PCDHGA2: variants seen among roughly 807,000 people sequenced by gnomAD.
PCDHGA2 encodes the protein protocadherin gamma-A2.
In PCDHGA2, 40 loss-of-function variants were observed where a neutral mutation model predicts 59.2. The observed-to-expected ratio is 0.68, with a 90% CI of 0.52 to 0.88. PCDHGA2 has a LOEUF of 0.88. Among genes scored for constraint, PCDHGA2 ranks in the 40% least tolerant of loss-of-function variants. The pLI is 0.00. For missense variants in PCDHGA2, 1,226 were observed against 1,204.0 expected (o/e 1.02, Z -0.27); for synonymous variants, 560 against 526.0 (o/e 1.06, Z -0.89).
chr5:141,487,397 G>C lies in PCDHGA2; in HGVS notation c.2425-7410G>C. On this transcript the variant is annotated intron_variant, in intron 1 of 3. Coordinates refer to ENST00000394576, the MANE Select transcript of PCDHGA2 (RefSeq NM_018915.4). The surrounding 1 kb of genome is among the most constrained non-coding windows in gnomAD (Gnocchi z 5.0). ...TCTCACCAGATCTCGAAGGAGGGAG[G>C]GGCTTCCCCCTTCCAATGGGATCCT... The C allele has an allele frequency of 6.2e-7, 1 of 1,614,062 alleles. No homozygotes were observed. The highest frequency in any genetic ancestry group is 8.5e-7 in the Non-Finnish European group (1 of 1,180,008).
At chr5:141,366,851 G>T in intron 1 of PCDHGA2, 2 of 1,439,646 alleles carry the variant, frequency 1.4e-6, no homozygotes, top group Non-Finnish European at 1.9e-6. Context: ...GTAAATAGTG[G>T]AACATTATTT....
At chr5:141,349,144 C>T (rs1196382576) in intron 1 of PCDHGA2, among the ~76,000 whole-genome samples, 2 of 152,162 alleles carry the variant, frequency 1.3e-5, no homozygotes, top group African/African-American at 4.8e-5. Context: ...GATCTCAACT[C>T]ACTGCAACCT....
chr5:141,384,356 A>G, intron 1 of PCDHGA2: 3 of 1,613,862 alleles, frequency 1.9e-6, no homozygotes, highest in Non-Finnish European at 1.7e-6. Flanking sequence ...GATAATGCCC[A>G]GATCACTTAT....
intron 1 of PCDHGA2, chr5:141,422,303 A>AAAAC: frequency 6.5e-7 from 1 of 1,548,740 alleles, no homozygotes; most frequent in Non-Finnish European, 8.7e-7. Flanking sequence ...TCAATTCTGG[A>AAAAC]AAACTCTCCT....
At position 141,476,409 on chromosome 5, in the gene PCDHGA2, G is replaced by A. The variant is rs1226666958; in HGVS notation, c.2425-18398G>A. The A allele has an allele frequency of 6.2e-7, 1 of 1,614,154 alleles. No homozygotes were observed. The highest frequency in any genetic ancestry group is 1.7e-5 in the Admixed American group (1 of 60,030). ...GACCGTCTGGATCGAGAGGAGCTGT[G>A]TGGGACACTGCCCTCTTGCACTGTA... is the stretch of plus-strand genomic sequence containing the variant. On this transcript the variant is annotated intron_variant, in intron 1 of 3. Coordinates refer to ENST00000394576, the MANE Select transcript of PCDHGA2 (RefSeq NM_018915.4). The surrounding 1 kb of genome is among the most constrained non-coding windows in gnomAD (Gnocchi z 7.6).
Position 141,486,695 on chromosome 5 carries a change from A to T in PCDHGA2, c.2425-8112A>T. On this transcript the variant is annotated intron_variant, in intron 1 of 3. Coordinates refer to ENST00000394576, the MANE Select transcript of PCDHGA2 (RefSeq NM_018915.4). The surrounding 1 kb of genome is among the most constrained non-coding windows in gnomAD (Gnocchi z 5.0). ...TCGAGATGTATCAGCTTCCTCTTTC[A>T]TCTCTCTGAACCCCCAGACAGGAGC... The T allele has an allele frequency of 6.2e-7, 1 of 1,613,912 alleles. No homozygotes were observed. The highest frequency in any genetic ancestry group is 8.5e-7 in the Non-Finnish European group (1 of 1,179,980).
chr5:141,343,802 A>T (rs1757327036), intron 1 of PCDHGA2: 1 of 454,830 alleles, frequency 2.2e-6, no homozygotes, highest in Admixed American at 3.9e-5. Context: ...CCACTCAAGA[A>T]GGAGAACGCA....
intron 1 of PCDHGA2, chr5:141,400,435 A>G (rs2094019562): frequency 6.2e-7 from 1 of 1,614,078 alleles, no homozygotes. Flanking sequence ...TGAGCAATTG[A>G]GTTCAGGACA....
intron 1 of PCDHGA2, among the ~76,000 whole-genome samples, chr5:141,397,685 G>A (rs1471845356): frequency 6.6e-6 from 1 of 152,218 alleles, no homozygotes; most frequent in Non-Finnish European, 1.5e-5. Flanking sequence ...ATGCAGGTTT[G>A]TATAAAAACC....
chr5:141,387,661 G>C (rs2091032284), intron 1 of PCDHGA2: 2 of 656,114 alleles, frequency 3.0e-6, no homozygotes, highest in East Asian at 5.7e-5. Context: ...AGAGCTTGGC[G>C]CTCCAGATCT....
chr5:141,365,279 A>T (rs1222527527), intron 1 of PCDHGA2: 1 of 1,613,978 alleles, frequency 6.2e-7, no homozygotes, highest in Non-Finnish European at 8.5e-7. Flanking sequence ...ATTCTACCTC[A>T]TGGAAGTGGT....
intron 1 of PCDHGA2, chr5:141,366,233 A>G (rs1354193643): frequency 6.2e-7 from 1 of 1,613,674 alleles, no homozygotes; most frequent in Non-Finnish European, 8.5e-7. Flanking sequence ...CCTGCTGGAC[A>G]GAGACGCGCT....
chr5:141,424,797 C>G (rs1262781875), intron 1 of PCDHGA2: 1 of 151,908 alleles, frequency 6.6e-6, no homozygotes, highest in Non-Finnish European at 1.5e-5. Flanking sequence ...TTATTCAGAC[C>G]AACTTGTTAT....
intron 1 of PCDHGA2, chr5:141,439,888 A>G (rs2098137228): frequency 6.6e-6 from 1 of 152,384 alleles, no homozygotes. Context: ...TCTGGGTAGA[A>G]CCAAGGCGAC....
intron 1 of PCDHGA2, among the ~76,000 whole-genome samples, chr5:141,443,477 C>T (rs1279226136): frequency 6.6e-6 from 1 of 152,116 alleles, no homozygotes; most frequent in Non-Finnish European, 1.5e-5. Flanking sequence ...CAGAATTAGA[C>T]CCTGTCCCAA....
At chr5:141,434,431 T>C (rs931458644) in intron 1 of PCDHGA2, among the ~76,000 whole-genome samples, 2 of 152,186 alleles carry the variant, frequency 1.3e-5, no homozygotes, top group African/African-American at 2.4e-5. Context: ...ATGATGGCCG[T>C]AATGCCCATG....
chr5:141,362,447 C>T (rs769703158), intron 1 of PCDHGA2: 1 of 1,614,048 alleles, frequency 6.2e-7, no homozygotes, highest in Non-Finnish European at 8.5e-7. Flanking sequence ...CTGAACATAA[C>T]CCCGGAATTG....
In PCDHGA2 at chr5:141,339,961, A is replaced by C. The variant is rs1274900090; in HGVS notation, c.990A>C (p.Arg330Ser). The C allele has an allele frequency of 1.2e-6, 2 of 1,614,170 alleles. No homozygotes were observed. The highest frequency in any genetic ancestry group is 2.2e-5 in the South Asian group (2 of 91,084). ...AGGATGGTCCGGGCCTTCTAACCAG[A>C]GCGAAGGTTATCGTCACGGTTCTGG... ...EAQDGPGLLT[R>S]AKVIVTVLDV... The change falls in exon 1 of 4, where the codon AGA (arginine) becomes AGC (serine). Residue 330 changes from arginine to serine, a missense_variant. Coordinates refer to ENST00000394576, the MANE Select transcript of PCDHGA2 (RefSeq NM_018915.4).
At chr5:141,472,980 C>CAAAAAAAAAA (rs60579131) in intron 1 of PCDHGA2, among the ~76,000 whole-genome samples, 34 of 85,838 alleles carry the variant, frequency 4.0e-4, no homozygotes, top group South Asian at 1.3e-3. Context: ...GAGTGAAACT[C>CAAAAAAAAAA]AAAAAAAAAA....
Sources: gnomAD v4.1 joint callset for allele counts (sites outside exome capture counted in the v4.1 genomes callset) on GRCh38, gnomAD v4.1.1 for gene constraint, Gnocchi (gnomAD v3.1) non-coding constraint, MANE v1.5 for transcripts, NCBI Gene and HGNC (gene_info 2026-07-23, HGNC 2026-07-21) for gene names.